MORN1: variants seen among roughly 807,000 people sequenced by gnomAD.
MORN1 encodes MORN repeat containing 1.
MORN1 carries 67 observed loss-of-function variants against 61.9 expected under a neutral mutation model. That is an observed-to-expected ratio of 1.08 (90% CI 0.89 to 1.33). MORN1 has a LOEUF of 1.33. MORN1 is among the 40% of genes most tolerant of loss of function. The pLI, the probability that MORN1 is intolerant of heterozygous loss-of-function variation, is 0.00. For synonymous variants in MORN1, 301 were observed against 292.0 expected (o/e 1.03, Z -0.31); for missense variants, 752 against 691.2 (o/e 1.09, Z -0.99).
At chr1:2,390,088 G>A in intron 1 of MORN1, 92 bp from the exon 2 acceptor site, 1 of 1,185,546 alleles carries the variant, frequency 8.4e-7, no homozygotes, top group East Asian at 2.3e-5. Flanking sequence ...CTCCCTTGAG[G>A]GCCTTCAAGG....
chr1:2,344,036 G>A (rs1421900035), intron 10 of MORN1, among the ~76,000 whole-genome samples: 1 of 152,012 alleles, frequency 6.6e-6, no homozygotes, highest in Non-Finnish European at 1.5e-5. Flanking sequence ...CCTCCTTCCC[G>A]GCCATCGGCC....
rs893621856 is a variant in MORN1 at position 2,357,990 on chromosome 1, G to A, written c.870-392C>T. Among the ~76,000 whole-genome samples, 1 of 152,230 alleles carries A rather than the reference G, an allele frequency of 6.6e-6. No homozygotes were observed. Among genetic ancestry groups the A allele is most frequent in the Non-Finnish European group, 1.5e-5 (1 of 68,044 alleles). ...TGTGAGAGCTGTGGCGTCACACTCA[G>A]GTCTGGTCGCCTGGGGCACTGCTAA... On this transcript the variant is annotated intron_variant, in intron 9 of 13. Coordinates refer to ENST00000378531, the MANE Select transcript of MORN1 (RefSeq NM_024848.3). This position sits in a 1 kb window ranked among gnomAD's most constrained non-coding sequence, Gnocchi z 6.3.
At chr1:2,327,593 T>TCCATCGCTGTCACCAGGC in intron 12 of MORN1, among the ~76,000 whole-genome samples, 1 of 152,262 alleles carries the variant, frequency 6.6e-6, no homozygotes, top group African/African-American at 2.4e-5. Flanking sequence ...CTGCAGAGGC[T>TCCATCGCTGTCACCAGGC]CCATCGCTGT....
At chr1:2,322,552 T>C in intron 13 of MORN1, 1 of 983,776 alleles carries the variant, frequency 1.0e-6, no homozygotes, top group Non-Finnish European at 1.2e-6. Context: ...AGTCAGCTCC[T>C]TTAGAAAAAA....
chr1:2,385,528 G>A lies in MORN1; in HGVS notation c.449+279C>T, dbSNP rs972783733. 19 of 296,010 alleles carry A rather than the reference G, an allele frequency of 6.4e-5. 1 individual carries two copies. The Admixed American group carries it at 7.4e-4, about 11-fold the overall frequency. 18.3% of individuals were successfully genotyped at this position (296,010 alleles called of 1,614,324 possible). A position where few individuals can be genotyped will look rare whatever the true frequency, so the allele number is the denominator to read the frequency against. ...GGTGCCACTTTGCCGCCAGCCTGACGTTCTCAGGAGGTATTTTAATCGGGG... is the reference window on the plus strand; with the variant it reads ...GGTGCCACTTTGCCGCCAGCCTGACATTCTCAGGAGGTATTTTAATCGGGG... On this transcript the variant is annotated intron_variant, in intron 5 of 13. Coordinates refer to ENST00000378531, the MANE Select transcript of MORN1 (RefSeq NM_024848.3).
chr1:2,386,047 C>T (rs1557894780), intron 4 of MORN1, 150 bp from the exon 5 acceptor site: 2 of 654,346 alleles, frequency 3.1e-6, no homozygotes, highest in Admixed American at 2.4e-5. Context: ...CATGACAGAC[C>T]CTCCAGACCT....
intron 6 of MORN1, chr1:2,375,269 A>T (rs1408750861): frequency 6.6e-6 from 1 of 152,230 alleles, no homozygotes; most frequent in East Asian, 1.9e-4. Flanking sequence ...GCAGGAGCCA[A>T]GTGGGCTCCT....
At chr1:2,355,074 C>T (rs1057320861) in intron 10 of MORN1, 101 of 826,358 alleles carry the variant, frequency 1.2e-4, no homozygotes, top group African/African-American at 7.2e-4. Context: ...GCAGTGGGGC[C>T]GGCGCGGGGG....
intron 10 of MORN1, among the ~76,000 whole-genome samples, chr1:2,348,547 C>T (rs113506906): frequency 0.01 from 1,597 of 152,308 alleles, 10 homozygotes; most frequent in South Asian, 0.017. Flanking sequence ...TGCTGGGGAG[C>T]CGCTGCCCAC....
intron 5 of MORN1, 150 bp from the exon 6 acceptor site, chr1:2,385,215 GCCAGGGCC>G: frequency 1.3e-6 from 1 of 747,418 alleles, no homozygotes; most frequent in Non-Finnish European, 2.2e-6. Flanking sequence ...CTCCTGCCTC[GCCAGGGCC>G]AGCTGGGGGC....
At chr1:2,389,133 A>AGAG (rs1642581513) in intron 2 of MORN1, among the ~76,000 whole-genome samples, 1 of 151,664 alleles carries the variant, frequency 6.6e-6, no homozygotes, top group African/African-American at 2.4e-5. Flanking sequence ...AAAAAAGAAA[A>AGAG]AAGAAACAAA....
At chr1:2,321,758 C>A (rs1394321751) in intron 13 of MORN1, among the ~76,000 whole-genome samples, 179 bp from the exon 14 acceptor site, 2 of 152,160 alleles carry the variant, frequency 1.3e-5, no homozygotes, top group Non-Finnish European at 1.5e-5. Flanking sequence ...CGGACCGGTC[C>A]TGGGGGGCTG....
chr1:2,344,932 C>A (rs11589451), intron 10 of MORN1, among the ~76,000 whole-genome samples: 25,367 of 152,080 alleles, frequency 0.17, 2,445 homozygotes, highest in East Asian at 0.4. Flanking sequence ...TCAGCCCCCG[C>A]GAGGGTCCAC....
chr1:2,325,102 CCCTTT>C (rs1171850126), intron 12 of MORN1, among the ~76,000 whole-genome samples: 1 of 66,340 alleles, frequency 1.5e-5, no homozygotes, highest in African/African-American at 7.7e-5. Flanking sequence ...TCTTTCTCTC[CCCTTT>C]CCTTCCCTTC....
At chr1:2,347,996 G>A (rs568077707) in intron 10 of MORN1, among the ~76,000 whole-genome samples, 18 of 152,296 alleles carry the variant, frequency 1.2e-4, no homozygotes, top group East Asian at 9.7e-4. Context: ...CAGCCGTCCC[G>A]GGGCAGGGCA....
At chr1:2,332,017 G>A (rs1011086345) in intron 12 of MORN1, 27 of 167,460 alleles carry the variant, frequency 1.6e-4, no homozygotes, top group African/African-American at 6.1e-4. Flanking sequence ...CTCTCCCGCC[G>A]CTGCGCCTCT....
intron 10 of MORN1, chr1:2,355,542 G>T (rs1641745211): frequency 1.1e-5 from 16 of 1,491,562 alleles, no homozygotes; most frequent in Non-Finnish European, 1.5e-5. Context: ...GGGGGCAGGG[G>T]CACGGGCATG....
chr1:2,321,731 AC>A, intron 13 of MORN1, 152 bp from the exon 14 acceptor site: 2 of 1,120,610 alleles, frequency 1.8e-6, no homozygotes, highest in Non-Finnish European at 2.4e-6. Context: ...TGGCACTGTA[AC>A]CACAGGACTG....
At chr1:2,348,023 C>T (rs1000609641) in intron 10 of MORN1, among the ~76,000 whole-genome samples, 2 of 152,212 alleles carry the variant, frequency 1.3e-5, no homozygotes, top group Non-Finnish European at 2.9e-5. Context: ...GGGGTCAGAC[C>T]CCAGCCTGGG....
Sources: gnomAD v4.1 joint callset for allele counts (sites outside exome capture counted in the v4.1 genomes callset) on GRCh38, gnomAD v4.1.1 for gene constraint, Gnocchi (gnomAD v3.1) non-coding constraint, MANE v1.5 for transcripts, NCBI Gene and HGNC (gene_info 2026-07-23, HGNC 2026-07-21) for gene names.